Variants in ATG10 observed in about 807,000 individuals in gnomAD.
ATG10 encodes the protein autophagy related 10.
A neutral mutation model predicts 32.1 loss-of-function variants in ATG10; 30 were observed. The observed-to-expected ratio is 0.94, with a 90% confidence interval of 0.70 to 1.27. The LOEUF (loss-of-function observed/expected upper bound fraction) is 1.27. ATG10 is among the 50% of genes most tolerant of loss of function. The pLI is 0.00. For synonymous variants in ATG10, 87 were observed against 91.5 expected (o/e 0.95, Z 0.28); for missense variants, 233 against 262.3 (o/e 0.89, Z 0.77).
At chr5:82,023,062 C>A (rs577968579) in intron 2 of ATG10, among the ~76,000 whole-genome samples, 3 of 151,454 alleles carry the variant, frequency 2.0e-5, no homozygotes, top group East Asian at 3.9e-4. Flanking sequence ...AATGCTCCCC[C>A]CCTGCCCCAG....
intron 2 of ATG10, among the ~76,000 whole-genome samples, chr5:82,058,139 G>A (rs1250582576): frequency 6.6e-6 from 1 of 152,064 alleles, no homozygotes; most frequent in Admixed American, 6.6e-5. Context: ...TCCTAAAATT[G>A]TTCTCTATGT....
intron 3 of ATG10, among the ~76,000 whole-genome samples, chr5:82,074,865 C>A (rs191543405): frequency 8.8e-4 from 134 of 152,300 alleles, no homozygotes; most frequent in African/African-American, 3.2e-3. Flanking sequence ...TCCTTTAAGA[C>A]AGAAGCACCT....
chr5:82,250,091 T>A (rs942465054), intron 5 of ATG10, among the ~76,000 whole-genome samples: 1 of 152,234 alleles, frequency 6.6e-6, no homozygotes. Flanking sequence ...TTGGCAACTA[T>A]GTAAGTCATC....
chr5:82,175,425 C>T (rs1362589015), intron 4 of ATG10, among the ~76,000 whole-genome samples: 2 of 152,102 alleles, frequency 1.3e-5, no homozygotes, highest in Non-Finnish European at 2.9e-5. Context: ...AGATTACAGG[C>T]GTGAGCCACT....
At chr5:82,213,936 C>T (rs1407874135) in intron 5 of ATG10, among the ~76,000 whole-genome samples, 2 of 152,180 alleles carry the variant, frequency 1.3e-5, no homozygotes, top group Non-Finnish European at 2.9e-5. Context: ...TGCTCTCTCT[C>T]GACTTTGGGC....
At chr5:82,072,665 A>G (rs1349736043) in intron 3 of ATG10, among the ~76,000 whole-genome samples, 1 of 152,186 alleles carries the variant, frequency 6.6e-6, no homozygotes, top group Non-Finnish European at 1.5e-5. Context: ...TAAAAATGAA[A>G]TTTTAATTGC....
chr5:82,249,015 A>C (rs1273590204), intron 5 of ATG10, among the ~76,000 whole-genome samples: 1 of 152,100 alleles, frequency 6.6e-6, no homozygotes, highest in East Asian at 1.9e-4. Context: ...CTTCAAAGGC[A>C]TGAAAGTCTC....
At chr5:82,199,008 T>C (rs1218743687) in intron 5 of ATG10, among the ~76,000 whole-genome samples, 1 of 152,236 alleles carries the variant, frequency 6.6e-6, no homozygotes, top group Non-Finnish European at 1.5e-5. Context: ...AGCAGGCAGC[T>C]TCTTCTGATC....
chr5:82,101,917 C>T lies in ATG10; in HGVS notation c.216+43315C>T, dbSNP rs75698964. Among the ~76,000 whole-genome samples, 1,035 of 152,230 alleles carry T rather than the reference C, an allele frequency of 6.8e-3. 48 individuals are homozygous for T. In the East Asian group the frequency reaches 0.12, roughly 17 times the overall value. Reference sequence around the variant, plus strand: ...CTACAATCAATAATGACAAATGTTCCGTAAAGTGAACACTTAGTACACAAG... The same window carrying T: ...CTACAATCAATAATGACAAATGTTCTGTAAAGTGAACACTTAGTACACAAG... On this transcript the variant is annotated intron_variant, in intron 3 of 7. Coordinates refer to ENST00000282185, the MANE Select transcript of ATG10 (RefSeq NM_031482.5).
chr5:82,224,555 G>T (rs1439835185), intron 5 of ATG10, among the ~76,000 whole-genome samples: 15 of 152,180 alleles, frequency 9.9e-5, no homozygotes, highest in Non-Finnish European at 1.5e-5. Context: ...CAGGGGGAAG[G>T]AGAGAATAGA....
At chr5:82,040,045 G>C (rs1202318508) in intron 2 of ATG10, among the ~76,000 whole-genome samples, 2 of 152,272 alleles carry the variant, frequency 1.3e-5, no homozygotes, top group African/African-American at 4.8e-5. Context: ...AGGAGAGTTG[G>C]ACTTCCTACA....
At chr5:82,142,422 CTCT>C (rs1270397274) in intron 3 of ATG10, among the ~76,000 whole-genome samples, 1 of 152,060 alleles carries the variant, frequency 6.6e-6, no homozygotes, top group East Asian at 1.9e-4. Flanking sequence ...TTGATGGGAG[CTCT>C]TCTTGGCTGG....
chr5:82,131,956 AAG>A (rs1042898804), intron 3 of ATG10, among the ~76,000 whole-genome samples: 9 of 151,854 alleles, frequency 5.9e-5, no homozygotes, highest in Admixed American at 4.6e-4. Flanking sequence ...AAGCAGGAAT[AAG>A]AGAGAGAGAG....
rs1346186095 is a variant in ATG10, at chr5:82,178,848, A to G, written c.453+261A>G. 3.3e-5 allele frequency among the ~76,000 whole-genome samples: 5 copies of G among 152,170 alleles called. No homozygotes were observed. The East Asian group carries it at 9.6e-4, about 29-fold the overall frequency. On this transcript the variant is annotated intron_variant, in intron 5 of 7. Coordinates refer to ENST00000282185, the MANE Select transcript of ATG10 (RefSeq NM_031482.5). ...CAATTTTAAATTACATATTAGGATG[A>G]TTTAAAAAAATTGATGTCTGTCTTC...
intron 3 of ATG10, among the ~76,000 whole-genome samples, chr5:82,130,370 G>A (rs191843353): frequency 3.0e-4 from 45 of 152,088 alleles, no homozygotes; most frequent in Admixed American, 1.4e-3. Context: ...TCTCGCTGGC[G>A]TTCCAGGTGC....
intron 5 of ATG10, among the ~76,000 whole-genome samples, chr5:82,201,037 A>C (rs899744455): frequency 6.6e-6 from 1 of 151,910 alleles, no homozygotes; most frequent in Non-Finnish European, 1.5e-5. Context: ...GGCACCTGCC[A>C]CCATACCTGG....
intron 2 of ATG10, among the ~76,000 whole-genome samples, chr5:82,029,337 A>G (rs1267716606): frequency 6.6e-6 from 1 of 152,156 alleles, no homozygotes; most frequent in African/African-American, 2.4e-5. Flanking sequence ...AAATGTATTT[A>G]AGGTTTTATA....
At position 82,012,132 on chromosome 5, in the gene ATG10, C is replaced by G. The variant is rs985161524; in HGVS notation, c.108+24454C>G. On this transcript the variant is annotated intron_variant, in intron 2 of 7. Coordinates refer to ENST00000282185, the MANE Select transcript of ATG10 (RefSeq NM_031482.5). ...TCCTGGTAGAACCACCATACTGACC[C>G]TCTGGGAGGGATGGGAGCAACCTCA... Among the ~76,000 whole-genome samples, 12 of 152,332 alleles carry G rather than the reference C, an allele frequency of 7.9e-5. No individual in the cohort carries two copies. The Middle Eastern group carries it at 0.01, about 130-fold the overall frequency.
At chr5:82,094,283 G>T (rs1288297171) in intron 3 of ATG10, among the ~76,000 whole-genome samples, 2 of 152,056 alleles carry the variant, frequency 1.3e-5, no homozygotes, top group Non-Finnish European at 1.5e-5. Context: ...ATTTTGTACA[G>T]TTTTTTAGTT....
Sources: allele counts gnomAD v4.1 joint callset (sites outside exome capture counted in the v4.1 genomes callset), GRCh38; gene constraint gnomAD v4.1.1; transcripts MANE v1.5; gene names NCBI Gene and HGNC (gene_info 2026-07-23, HGNC 2026-07-21).